The following CCDC171 variants were observed in gnomAD, a reference collection of about 807,000 sequenced individuals.
The protein encoded by CCDC171 is coiled-coil domain containing 171, also known as coiled-coil domain-containing protein 171.
In CCDC171, 177 loss-of-function variants were observed where a neutral mutation model predicts 168.2. That is an observed-to-expected ratio of 1.05 (90% CI 0.93 to 1.19). The LOEUF is 1.19. CCDC171 is among the 50% of genes most tolerant of loss of function. The pLI is 0.00. For synonymous variants in CCDC171, 687 were observed against 540.8 expected, an observed-to-expected ratio of 1.27 and a Z score of -3.75; for missense variants, 1,991 against 1,539.0, an observed-to-expected ratio of 1.29 and a Z score of -4.91.
At chr9:15,654,236 T>A (rs1376503098) in intron 7 of CCDC171, among the ~76,000 whole-genome samples, 1 of 152,224 alleles carries the variant, frequency 6.6e-6, no homozygotes, top group East Asian at 1.9e-4. Flanking sequence ...TCTAGTATAA[T>A]AGCTCATTAA....
Position 15,874,763 on chromosome 9 carries a change from A to G in CCDC171, c.3600+100A>G, listed in dbSNP as rs1817626283. ...GCCTCAAAGTATTGTGAATAATTTAAAGGAGATGCAAATAGATGTTTCTTC... is the reference window on the plus strand; with the variant it reads ...GCCTCAAAGTATTGTGAATAATTTAGAGGAGATGCAAATAGATGTTTCTTC... On this transcript the variant is annotated intron_variant, in intron 24 of 25. Transcript: ENST00000380701. 7.8e-6 allele frequency: 9 copies of G among 1,149,440 alleles called. No homozygotes were observed. The South Asian group carries it at 2.0e-4, about 25-fold the overall frequency. The allele number at this position is 1,149,440 out of a possible 1,614,324, so 71.2% of individuals were successfully genotyped here.
At chr9:15,774,375 C>T (rs891916142) in intron 18 of CCDC171, among the ~76,000 whole-genome samples, 6 of 149,616 alleles carry the variant, frequency 4.0e-5, no homozygotes, top group Non-Finnish European at 7.4e-5. Flanking sequence ...TCACTAAGAT[C>T]GGGAAATGTA....
chr9:15,966,377 A>G (rs74797338), intron 25 of CCDC171, among the ~76,000 whole-genome samples: 7,050 of 152,268 alleles, frequency 0.046, 344 homozygotes, highest in East Asian at 0.11. Context: ...ACTGGCTTGC[A>G]CAGTACAAGT....
At chr9:15,707,210 G>A (rs1009580472) in intron 11 of CCDC171, among the ~76,000 whole-genome samples, 9 of 152,086 alleles carry the variant, frequency 5.9e-5, no homozygotes, top group African/African-American at 2.2e-4. Flanking sequence ...CAAACTTGCC[G>A]CACTTCATTA....
At chr9:15,712,217 A>G (rs1389145966) in intron 11 of CCDC171, among the ~76,000 whole-genome samples, 1 of 152,190 alleles carries the variant, frequency 6.6e-6, no homozygotes, top group Non-Finnish European at 1.5e-5. Flanking sequence ...TCAGATGTTA[A>G]TCTCCCTTGC....
At chr9:15,562,980 T>C (rs1411577326) in intron 1 of CCDC171, among the ~76,000 whole-genome samples, 1 of 151,992 alleles carries the variant, frequency 6.6e-6, no homozygotes. Context: ...ATCAGATGAG[T>C]TTTCTTATAA....
intron 1 of CCDC171, among the ~76,000 whole-genome samples, chr9:16,045,166 G>A (rs1833641015): frequency 1.3e-5 from 2 of 152,180 alleles, no homozygotes; most frequent in Admixed American, 6.5e-5. Context: ...TTGTTTGGGG[G>A]TCCCCAGAAG....
chr9:15,775,717 T>A (rs2057287640), intron 18 of CCDC171, among the ~76,000 whole-genome samples: 1 of 152,248 alleles, frequency 6.6e-6, no homozygotes, highest in African/African-American at 2.4e-5. Flanking sequence ...TAATGAACTT[T>A]TGTATTGTTT....
chr9:15,658,684 G>T (rs2048110565), intron 8 of CCDC171, among the ~76,000 whole-genome samples: 1 of 152,104 alleles, frequency 6.6e-6, no homozygotes, highest in Non-Finnish European at 1.5e-5. Flanking sequence ...AGAAGCAGAG[G>T]TCAGAGTAGG....
chr9:15,589,280 T>A (rs1231780248), intron 4 of CCDC171, among the ~76,000 whole-genome samples: 1 of 152,184 alleles, frequency 6.6e-6, no homozygotes, highest in Non-Finnish European at 1.5e-5. Context: ...CAGCATAGAC[T>A]TAACTCCCTT....
chr9:15,703,932 A>G (rs2052004773), intron 11 of CCDC171, among the ~76,000 whole-genome samples: 1 of 152,254 alleles, frequency 6.6e-6, no homozygotes, highest in South Asian at 2.1e-4. Context: ...ATCACTGATC[A>G]TAGATCACCA....
intron 2 of CCDC171, among the ~76,000 whole-genome samples, chr9:15,569,436 T>G (rs1193882192): frequency 2.0e-5 from 3 of 152,250 alleles, no homozygotes; most frequent in African/African-American, 7.2e-5. Context: ...ATAACAAGAC[T>G]ATTTAATGTT....
intron 1 of CCDC171, among the ~76,000 whole-genome samples, chr9:16,054,266 A>T (rs1488582159): frequency 6.6e-6 from 1 of 152,136 alleles, no homozygotes; most frequent in East Asian, 1.9e-4. Context: ...GAACCCTCTA[A>T]TTAGTAGGGG....
intron 24 of CCDC171, among the ~76,000 whole-genome samples, chr9:15,881,306 T>A (rs1400475448): frequency 1.3e-5 from 2 of 152,170 alleles, no homozygotes; most frequent in African/African-American, 4.8e-5. Context: ...TAGAAGAACT[T>A]ATTATTTTTC....
intron 3 of CCDC171, among the ~76,000 whole-genome samples, chr9:15,982,590 TTTTTCTTGTAATGCACCC>T (rs1185095230): frequency 6.6e-6 from 1 of 152,100 alleles, no homozygotes; most frequent in African/African-American, 2.4e-5. Flanking sequence ...GCAAGGGGTC[TTTTTCTTGTAATGCACCC>T]TCCTCTCCTC....
At chr9:15,950,300 G>C (rs1828977731) in intron 25 of CCDC171, among the ~76,000 whole-genome samples, 1 of 152,028 alleles carries the variant, frequency 6.6e-6, no homozygotes, top group South Asian at 2.1e-4. Context: ...CTCGAGAAGA[G>C]CAACTCCAAG....
At chr9:15,811,943 T>C (rs984005593) in intron 21 of CCDC171, among the ~76,000 whole-genome samples, 1 of 152,180 alleles carries the variant, frequency 6.6e-6, no homozygotes, top group Non-Finnish European at 1.5e-5. Flanking sequence ...TATGTTAAGT[T>C]GTGGGAAAAC....
At chr9:15,667,316 T>G (rs998589855) in intron 9 of CCDC171, among the ~76,000 whole-genome samples, 1 of 152,160 alleles carries the variant, frequency 6.6e-6, no homozygotes, top group Non-Finnish European at 1.5e-5. Flanking sequence ...AGATAATGGT[T>G]TTCCATTTAT....
chr9:15,848,820 A>G, intron 22 of CCDC171, 73 bp from the exon 23 acceptor site: 1 of 751,482 alleles, frequency 1.3e-6, no homozygotes, highest in Non-Finnish European at 2.2e-6. Context: ...AATACCAGTG[A>G]CTTATACTAA....
Sources: gnomAD v4.1 joint callset for allele counts (sites outside exome capture counted in the v4.1 genomes callset) on GRCh38, gnomAD v4.1.1 for gene constraint, MANE v1.5 for transcripts, NCBI Gene and HGNC (gene_info 2026-07-23, HGNC 2026-07-21) for gene names.